Variants in NTRK3 observed in about 807,000 individuals in gnomAD.
The protein encoded by NTRK3 is NT-3 growth factor receptor.
A neutral mutation model predicts 91.7 loss-of-function variants in NTRK3; 24 were observed. That is an observed-to-expected ratio of 0.26 (90% CI 0.19 to 0.37). The LOEUF is 0.37. NTRK3 is among the 10% of genes least tolerant of loss of function. The probability of loss-of-function intolerance (pLI) is 1.00; values close to 1 mark genes in which losing one functional copy is unlikely to be tolerated. For missense variants in NTRK3, 880 were observed against 1,068.9 expected (o/e 0.82, Z 2.46); for synonymous variants, 483 against 404.0 (o/e 1.20, Z -2.34).
intron 14 of NTRK3, among the ~76,000 whole-genome samples, chr15:88,020,610 G>A (rs1242345872): frequency 6.6e-6 from 1 of 152,118 alleles, no homozygotes. Flanking sequence ...ACTTATACAA[G>A]TTTACAGAGT....
At chr15:87,924,101 A>G (rs1158111098) in intron 17 of NTRK3, among the ~76,000 whole-genome samples, 1 of 152,092 alleles carries the variant, frequency 6.6e-6, no homozygotes, top group Non-Finnish European at 1.5e-5. Flanking sequence ...ATATTTCTTA[A>G]CTCTTAGTCC....
chr15:87,909,927 G>GT (rs1157011337), intron 17 of NTRK3, among the ~76,000 whole-genome samples: 1 of 152,232 alleles, frequency 6.6e-6, no homozygotes, highest in East Asian at 1.9e-4. Flanking sequence ...CTCCAGAGCA[G>GT]TGAGAAAATC....
chr15:88,256,544 A>T, intron 1 of NTRK3, 58 bp from the exon 2 acceptor site: 1 of 516,528 alleles, frequency 1.9e-6, no homozygotes, highest in South Asian at 3.3e-5. Context: ...AAAGGAAAAA[A>T]TGGTGCTAAA....
intron 5 of NTRK3, among the ~76,000 whole-genome samples, chr15:88,159,422 C>A (rs962662263): frequency 1.4e-4 from 22 of 152,238 alleles, no homozygotes; most frequent in Admixed American, 9.1e-4. Flanking sequence ...CTTGGAAAAA[C>A]CAAATTACCA....
At chr15:88,090,767 T>G (rs2048942905) in intron 13 of NTRK3, among the ~76,000 whole-genome samples, 1 of 152,046 alleles carries the variant, frequency 6.6e-6, no homozygotes, top group African/African-American at 2.4e-5. Context: ...TCTCACCATA[T>G]CCTTCTGCCC....
At chr15:87,953,380 G>T (rs900714624) in intron 14 of NTRK3, among the ~76,000 whole-genome samples, 2 of 152,194 alleles carry the variant, frequency 1.3e-5, no homozygotes, top group Non-Finnish European at 2.9e-5. Flanking sequence ...TGGACCAGAA[G>T]ACGATTCTTT....
intron 14 of NTRK3, among the ~76,000 whole-genome samples, chr15:87,996,235 C>A (rs2075691453): frequency 6.6e-6 from 1 of 152,058 alleles, no homozygotes; most frequent in Non-Finnish European, 1.5e-5. Context: ...CAGAGAGAGA[C>A]TCCGTCTCTA....
rs148961659 is a variant in NTRK3 at position 88,232,918 on chromosome 15, G to A, written c.248+22988C>T. On this transcript the variant is annotated intron_variant, in intron 3 of 18. Coordinates refer to ENST00000394480, the Ensembl canonical transcript of NTRK3. Reference sequence around the variant, plus strand: ...ACCCATCCCCCAGCCTACAGCTTCCGTCTTGAGGGTCTTGGGCCCACTCAT... The same window carrying A: ...ACCCATCCCCCAGCCTACAGCTTCCATCTTGAGGGTCTTGGGCCCACTCAT... Among the ~76,000 whole-genome samples the A allele has an allele frequency of 4.5e-3, 683 of 152,286 alleles. 1 individual carries two copies. The highest frequency in any genetic ancestry group is 0.01 in the Middle Eastern group (3 of 294).
chr15:87,998,293 C>T (rs556218514), intron 14 of NTRK3, among the ~76,000 whole-genome samples: 23 of 152,360 alleles, frequency 1.5e-4, no homozygotes, highest in African/African-American at 5.5e-4. Context: ...CTAATGCTAG[C>T]TGAGTTCCAT....
intron 17 of NTRK3, among the ~76,000 whole-genome samples, chr15:87,891,743 G>A (rs1277952793): frequency 6.6e-6 from 1 of 151,994 alleles, no homozygotes; most frequent in Admixed American, 6.6e-5. Flanking sequence ...CTATTAATAG[G>A]CACTTTGATT....
chr15:88,208,064 G>A (rs2048945779), intron 3 of NTRK3, among the ~76,000 whole-genome samples: 1 of 152,144 alleles, frequency 6.6e-6, no homozygotes, highest in Non-Finnish European at 1.5e-5. Context: ...ATCTGTTGCA[G>A]TCCTCTAGCC....
chr15:88,163,427 C>T (rs1430602837), intron 5 of NTRK3, among the ~76,000 whole-genome samples: 1 of 152,208 alleles, frequency 6.6e-6, no homozygotes, highest in Non-Finnish European at 1.5e-5. Flanking sequence ...CCCTGACCAC[C>T]ACCTCCAGAC....
intron 14 of NTRK3, among the ~76,000 whole-genome samples, chr15:87,953,034 C>G (rs757636150): frequency 6.6e-6 from 1 of 152,202 alleles, no homozygotes. Flanking sequence ...CATGCTTCCC[C>G]CTGTCGAAGC....
At chr15:88,177,886 T>A (rs1013578335) in intron 5 of NTRK3, among the ~76,000 whole-genome samples, 3 of 152,236 alleles carry the variant, frequency 2.0e-5, no homozygotes, top group Admixed American at 2.0e-4. Context: ...CCAGACGTTG[T>A]CTTATTTAAG....
intron 15 of NTRK3, among the ~76,000 whole-genome samples, chr15:87,933,938 T>C (rs1179488603): frequency 6.6e-6 from 1 of 152,154 alleles, no homozygotes; most frequent in Non-Finnish European, 1.5e-5. Flanking sequence ...ATTCAGCCTC[T>C]GTCAGGGTGA....
intron 5 of NTRK3, among the ~76,000 whole-genome samples, chr15:88,153,442 A>G (rs968231940): frequency 6.6e-6 from 1 of 152,166 alleles, no homozygotes; most frequent in South Asian, 2.1e-4. Flanking sequence ...CTAAAAATAC[A>G]TGCGGTTTCT....
intron 13 of NTRK3, among the ~76,000 whole-genome samples, chr15:88,124,685 G>T (rs1227599337): frequency 6.6e-6 from 1 of 152,182 alleles, no homozygotes; most frequent in Non-Finnish European, 1.5e-5. Context: ...CGCTCACTCA[G>T]TGGTCGTCTC....
Position 88,135,893 on chromosome 15 carries a change from A to G in NTRK3, c.907+6T>C, listed in dbSNP as rs1286119791. On this transcript the variant is annotated splice_donor_region_variant and intron_variant, in intron 9 of 18. Coordinates refer to ENST00000394480, the Ensembl canonical transcript of NTRK3. ...ACAGCCATCCCCCACAATAACATGCACTTACAGTAGACAGTGAGGGCAACA... is the reference window on the plus strand; with the variant it reads ...ACAGCCATCCCCCACAATAACATGCGCTTACAGTAGACAGTGAGGGCAACA... The G allele has an allele frequency of 1.2e-6, 2 of 1,613,936 alleles. No individual in the cohort carries two copies. The highest frequency in any genetic ancestry group is 2.7e-5 in the African/African-American group (2 of 74,908).
intron 5 of NTRK3, among the ~76,000 whole-genome samples, chr15:88,174,976 G>A (rs892930752): frequency 6.6e-6 from 1 of 152,208 alleles, no homozygotes; most frequent in Non-Finnish European, 1.5e-5. Flanking sequence ...ATTAGAGGAG[G>A]TTCAAAACTT....
Sources: allele counts gnomAD v4.1 joint callset (sites outside exome capture counted in the v4.1 genomes callset), GRCh38; gene constraint gnomAD v4.1.1; transcripts MANE v1.5; gene names NCBI Gene and HGNC (gene_info 2026-07-23, HGNC 2026-07-21).